Variants in CPPED1 observed in about 807,000 individuals in gnomAD.
CPPED1 encodes calcineurin like phosphoesterase domain containing 1.
CPPED1 carries 28 observed loss-of-function variants against 28.0 expected under a neutral mutation model. That is an observed-to-expected ratio of 1.00 (90% CI 0.74 to 1.37). CPPED1 has a LOEUF of 1.37. Ranked by LOEUF, CPPED1 falls within the 40% of genes most tolerant of loss-of-function variation. The pLI is 0.00. For missense variants in CPPED1, 504 were observed against 416.5 expected, an observed-to-expected ratio of 1.21 and a Z score of -1.83; for synonymous variants, 198 against 180.2, an observed-to-expected ratio of 1.10 and a Z score of -0.79.
chr16:12,799,810 G>A (rs897341139), intron 1 of CPPED1, among the ~76,000 whole-genome samples: 23 of 152,218 alleles, frequency 1.5e-4, no homozygotes, highest in South Asian at 2.1e-4. Context: ...TAGGCCCTCC[G>A]TTAAATGACC....
chr16:12,794,663 C>CTT (rs1175793550), intron 1 of CPPED1, among the ~76,000 whole-genome samples: 7 of 152,182 alleles, frequency 4.6e-5, no homozygotes, highest in African/African-American at 1.7e-4. Flanking sequence ...ATCCGAAATG[C>CTT]TTTTGAGCAT....
chr16:12,782,251 C>T (rs1173395481), intron 1 of CPPED1, among the ~76,000 whole-genome samples: 1 of 152,196 alleles, frequency 6.6e-6, no homozygotes, highest in Non-Finnish European at 1.5e-5. Flanking sequence ...CTGTGGGTTT[C>T]ACTTTTTAAA....
chr16:12,787,327 G>A (rs1033646834), intron 1 of CPPED1, among the ~76,000 whole-genome samples: 2 of 151,988 alleles, frequency 1.3e-5, no homozygotes, highest in Admixed American at 1.3e-4. Flanking sequence ...GTGTTCATAC[G>A]TGGTAAAAAC....
intron 2 of CPPED1, chr16:12,760,335 T>C (rs537710110): frequency 2.0e-5 from 3 of 152,280 alleles, no homozygotes; most frequent in Admixed American, 6.5e-5. Flanking sequence ...TACCAAAGGA[T>C]GATGATAATT....
At chr16:12,757,074 G>A (rs1319904154) in intron 2 of CPPED1, among the ~76,000 whole-genome samples, 1 of 152,148 alleles carries the variant, frequency 6.6e-6, no homozygotes, top group Non-Finnish European at 1.5e-5. Flanking sequence ...CCTCGAGGAT[G>A]ACCAACTAAG....
chr16:12,795,240 C>T (rs763428208), intron 1 of CPPED1, among the ~76,000 whole-genome samples: 2 of 152,214 alleles, frequency 1.3e-5, no homozygotes, highest in Admixed American at 6.5e-5. Flanking sequence ...ACCCTTCCCC[C>T]GGGCAGATGT....
intron 3 of CPPED1, among the ~76,000 whole-genome samples, chr16:12,677,824 G>A (rs2079885516): frequency 6.6e-6 from 1 of 152,160 alleles, no homozygotes; most frequent in African/African-American, 2.4e-5. Flanking sequence ...GGATCACTTG[G>A]AACTTAATTG....
intron 2 of CPPED1, among the ~76,000 whole-genome samples, chr16:12,773,421 T>A (rs1455955093): frequency 2.0e-5 from 3 of 152,196 alleles, no homozygotes; most frequent in Non-Finnish European, 4.4e-5. Context: ...TTACATTTAA[T>A]ACATTAAAAA....
chr16:12,723,990 C>T (rs1454684840), intron 2 of CPPED1, among the ~76,000 whole-genome samples: 1 of 152,152 alleles, frequency 6.6e-6, no homozygotes, highest in African/African-American at 2.4e-5. Context: ...GATCACACTT[C>T]CCAAACGTCT....
chr16:12,783,072 G>C (rs148421994), intron 1 of CPPED1, among the ~76,000 whole-genome samples: 30 of 152,224 alleles, frequency 2.0e-4, no homozygotes, highest in African/African-American at 6.3e-4. Flanking sequence ...GCAATATGAG[G>C]GTGACCAAGA....
At chr16:12,758,052 A>G (rs758884617) in intron 2 of CPPED1, among the ~76,000 whole-genome samples, 5 of 152,086 alleles carry the variant, frequency 3.3e-5, no homozygotes, top group Non-Finnish European at 5.9e-5. Flanking sequence ...AGTCAAAGAA[A>G]GAGAAAACAA....
intron 2 of CPPED1, among the ~76,000 whole-genome samples, chr16:12,730,594 G>T (rs1324126816): frequency 1.3e-5 from 2 of 152,180 alleles, no homozygotes; most frequent in Admixed American, 1.3e-4. Context: ...TCATTAGATG[G>T]TATACTACAT....
At chr16:12,800,449 A>G (rs997574984) in intron 1 of CPPED1, among the ~76,000 whole-genome samples, 1 of 148,542 alleles carries the variant, frequency 6.7e-6, no homozygotes, top group Non-Finnish European at 1.5e-5. Flanking sequence ...AAAAAAAAAA[A>G]GTAAACCATG....
intron 2 of CPPED1, among the ~76,000 whole-genome samples, chr16:12,755,948 G>A (rs1462079555): frequency 6.6e-6 from 1 of 152,020 alleles, no homozygotes; most frequent in Non-Finnish European, 1.5e-5. Context: ...TGGCTAACAC[G>A]GTGAAAACCT....
intron 3 of CPPED1, among the ~76,000 whole-genome samples, chr16:12,697,374 T>C: frequency 1.8e-5 from 1 of 56,016 alleles, no homozygotes; most frequent in East Asian, 4.2e-4. Context: ...GACCCTCTTG[T>C]CTGCAATCCA....
intron 2 of CPPED1, among the ~76,000 whole-genome samples, chr16:12,733,148 A>G (rs1305404987): frequency 6.6e-6 from 1 of 152,262 alleles, no homozygotes; most frequent in South Asian, 2.1e-4. Flanking sequence ...TAAAACCACA[A>G]CAAATAAAGC....
intron 2 of CPPED1, among the ~76,000 whole-genome samples, chr16:12,715,321 G>C (rs2080101756): frequency 6.6e-6 from 1 of 152,132 alleles, no homozygotes; most frequent in Non-Finnish European, 1.5e-5. Flanking sequence ...TGTGGTAACT[G>C]TGTAATCAAG....
intron 3 of CPPED1, among the ~76,000 whole-genome samples, chr16:12,693,783 A>G (rs563792469): frequency 2.8e-4 from 42 of 152,372 alleles, no homozygotes; most frequent in African/African-American, 8.4e-4. Context: ...ACTAATTGCT[A>G]TTTTTGAAAC....
At chr16:12,732,503 G>C (rs1364924895) in intron 2 of CPPED1, among the ~76,000 whole-genome samples, 2 of 150,388 alleles carry the variant, frequency 1.3e-5, no homozygotes, top group South Asian at 2.1e-4. Context: ...TGGAGAGAGA[G>C]AGAGAGAGAG....
Sources: allele counts gnomAD v4.1 joint callset (sites outside exome capture counted in the v4.1 genomes callset), GRCh38; gene constraint gnomAD v4.1.1; transcripts MANE v1.5; gene names NCBI Gene and HGNC (gene_info 2026-07-23, HGNC 2026-07-21).